MTCL3: variants seen among roughly 807,000 people sequenced by gnomAD.
The protein encoded by MTCL3 is MTCL family member 3, also known as microtubule cross-linking factor 3.
At chr6:127,475,357 T>C in the MTCL3 span, 1 of 1,613,212 alleles carries the variant, frequency 6.2e-7, no homozygotes, top group Non-Finnish European at 8.5e-7. The surrounding 1 kb of genome is among the most constrained non-coding windows in gnomAD (Gnocchi z 7.3). Flanking sequence ...CTCGAGGCGG[T>C]CGATGAAGGT....
chr6:127,506,884 TCTC>T, the MTCL3 span, among the ~76,000 whole-genome samples: 1 of 152,106 alleles, frequency 6.6e-6, no homozygotes, highest in African/African-American at 2.4e-5. Flanking sequence ...CGGCCTCAAA[TCTC>T]CTTTTAAGGT....
At chr6:127,492,905 CCTTA>C in the MTCL3 span, among the ~76,000 whole-genome samples, 10 of 152,222 alleles carry the variant, frequency 6.6e-5, no homozygotes, top group African/African-American at 2.4e-4. Flanking sequence ...CAGATGCTGC[CCTTA>C]CTAATAGCAG....
the MTCL3 span, among the ~76,000 whole-genome samples, chr6:127,510,802 G>C: frequency 6.6e-6 from 1 of 152,192 alleles, no homozygotes; most frequent in Admixed American, 6.5e-5. Flanking sequence ...TTAGATTGTT[G>C]CTGCTGTGGG....
chr6:127,486,488 C>T, the MTCL3 span, among the ~76,000 whole-genome samples: 1 of 152,042 alleles, frequency 6.6e-6, no homozygotes, highest in African/African-American at 2.4e-5. Context: ...GTGTAACCTC[C>T]CCCCTTGTCA....
At chr6:127,513,968 A>C in the MTCL3 span, among the ~76,000 whole-genome samples, 1 of 152,240 alleles carries the variant, frequency 6.6e-6, no homozygotes, top group African/African-American at 2.4e-5. Flanking sequence ...GTCTTTCATA[A>C]AATGTTTACA....
the MTCL3 span, among the ~76,000 whole-genome samples, chr6:127,502,108 AT>A: frequency 8.5e-5 from 13 of 152,310 alleles, no homozygotes; most frequent in South Asian, 1.7e-3. Flanking sequence ...ATTTATTGAT[AT>A]TTTTTATATG....
chr6:127,476,120 T>C, the MTCL3 span: 1 of 1,614,160 alleles, frequency 6.2e-7, no homozygotes, highest in Non-Finnish European at 8.5e-7. This position sits in a 1 kb window ranked among gnomAD's most constrained non-coding sequence, Gnocchi z 4.4. Flanking sequence ...CTCTGCTCCC[T>C]CATGAGCGGG....
At chr6:127,490,235 T>A in the MTCL3 span, among the ~76,000 whole-genome samples, 135 of 152,238 alleles carry the variant, frequency 8.9e-4, no homozygotes, top group African/African-American at 3.2e-3. Flanking sequence ...GACCTACTGC[T>A]CAGAAGAAAG....
the MTCL3 span, among the ~76,000 whole-genome samples, chr6:127,478,154 G>A: frequency 6.6e-6 from 1 of 152,176 alleles, no homozygotes; most frequent in Admixed American, 6.5e-5. Context: ...ATGAGACCAA[G>A]GACATGTTAC....
chr6:127,510,935 A>G, the MTCL3 span, among the ~76,000 whole-genome samples: 1 of 152,206 alleles, frequency 6.6e-6, no homozygotes, highest in Non-Finnish European at 1.5e-5. Flanking sequence ...ATCAAATTAA[A>G]ATGAGGGGCG....
the MTCL3 span, among the ~76,000 whole-genome samples, chr6:127,518,252 A>G: frequency 6.6e-6 from 1 of 152,234 alleles, no homozygotes; most frequent in African/African-American, 2.4e-5. Context: ...TTATATTGCC[A>G]ATGCAAACTT....
the MTCL3 span, among the ~76,000 whole-genome samples, chr6:127,481,761 C>T: frequency 6.6e-6 from 1 of 152,118 alleles, no homozygotes; most frequent in South Asian, 2.1e-4. Context: ...AGAACAACTA[C>T]ATCTTGAATA....
chr6:127,496,402 T>A, the MTCL3 span, among the ~76,000 whole-genome samples: 6 of 152,190 alleles, frequency 3.9e-5, no homozygotes, highest in South Asian at 2.1e-4. Flanking sequence ...AATTTTTTTT[T>A]AAAAATAACA....
the MTCL3 span, among the ~76,000 whole-genome samples, chr6:127,503,006 C>T: frequency 8.9e-4 from 135 of 152,284 alleles, no homozygotes; most frequent in Non-Finnish European, 1.0e-3. Flanking sequence ...CCTACAGCCA[C>T]CTTGGAAGTC....
chr6:127,516,401 G>T, the MTCL3 span: 1 of 1,600,636 alleles, frequency 6.2e-7, no homozygotes. Context: ...AGCTGCTGCT[G>T]CCGAACAGAA....
the MTCL3 span, among the ~76,000 whole-genome samples, chr6:127,502,572 T>C: frequency 6.6e-6 from 1 of 152,148 alleles, no homozygotes; most frequent in Non-Finnish European, 1.5e-5. Flanking sequence ...TAGACATTCA[T>C]GAAAAAATGG....
At chr6:127,491,105 A>G in the MTCL3 span, among the ~76,000 whole-genome samples, 6 of 152,258 alleles carry the variant, frequency 3.9e-5, no homozygotes, top group Admixed American at 3.9e-4. Context: ...AATGAACTGT[A>G]TTCCTTGTGA....
chr6:127,516,267 T>G, the MTCL3 span: 1 of 1,483,922 alleles, frequency 6.7e-7, no homozygotes, highest in Non-Finnish European at 8.9e-7. Flanking sequence ...GCTGGACAGC[T>G]CCCGGAGCGG....
chr6:127,486,462 C>G, the MTCL3 span, among the ~76,000 whole-genome samples: 2 of 152,106 alleles, frequency 1.3e-5, no homozygotes, highest in Non-Finnish European at 2.9e-5. Context: ...AGTCCCTTTC[C>G]TGTGAGGATG....
Sources: allele counts gnomAD v4.1 joint callset (sites outside exome capture counted in the v4.1 genomes callset), GRCh38; gene constraint gnomAD v4.1.1; non-coding constraint Gnocchi (gnomAD v3.1); transcripts MANE v1.5; gene names NCBI Gene and HGNC (gene_info 2026-07-23, HGNC 2026-07-21).